Variants in MYH6 observed in about 807,000 individuals in gnomAD.
MYH6 encodes the protein myosin heavy chain 6.
In MYH6, 126 loss-of-function variants were observed where a neutral mutation model predicts 223.2. The observed-to-expected ratio is 0.56, with a 90% CI of 0.49 to 0.65. The LOEUF (loss-of-function observed/expected upper bound fraction) is 0.65, where lower values mean the gene tolerates loss of function less well. Ranked by LOEUF, MYH6 falls within the 30% of genes least tolerant of loss-of-function variation. MYH6 has a pLI of 0.00. For missense variants in MYH6, 2,040 were observed against 2,536.4 expected, an observed-to-expected ratio of 0.80 and a Z score of 4.20; for synonymous variants, 978 against 1,010.2, an observed-to-expected ratio of 0.97 and a Z score of 0.61.
chr14:23,402,640 G>A (rs202144424), intron 11 of MYH6, 38 bp from the exon 12 acceptor site: 84 of 1,613,652 alleles, frequency 5.2e-5, no homozygotes, highest in East Asian at 8.9e-5. Context: ...GGGTTGGAGC[G>A]GTGGCCCCAG....
intron 12 of MYH6, 25 bp from the exon 13 acceptor site, chr14:23,401,002 G>C: frequency 6.2e-7 from 1 of 1,611,572 alleles, no homozygotes; most frequent in Non-Finnish European, 8.5e-7. Flanking sequence ...AAGGATAAGT[G>C]AGCACTTCCT....
At position 23,405,779 on chromosome 14, in the gene MYH6, G is replaced by C; in HGVS notation, c.202-9C>G. 6.2e-7 allele frequency: 1 copy of C among 1,614,130 alleles called. No homozygotes were observed. The highest frequency in any genetic ancestry group is 8.5e-7 in the Non-Finnish European group (1 of 1,180,012). On this transcript the variant is annotated splice_polypyrimidine_tract_variant and intron_variant, in intron 3 of 38. Coordinates refer to ENST00000405093, the MANE Select transcript of MYH6 (RefSeq NM_002471.4). The surrounding 1 kb of genome is among the most constrained non-coding windows in gnomAD (Gnocchi z 4.7). ...TCCTTCACAGTCACCGTCTGGAGGG[G>C]GCGCATAAGCAGGAGGATGAGTGAC...
rs763268976 is a variant in MYH6 at position 23,389,522 on chromosome 14, A to C, written c.3860-11T>G. On this transcript the variant is annotated splice_polypyrimidine_tract_variant and intron_variant, in intron 27 of 38. Transcript: ENST00000405093. Reference sequence around the variant, plus strand: ...GCCGGGCCAACTCTCCTGGAGGTGAAATGAGGGGCTTGTGGGCCATTTCAC... The same window carrying C: ...GCCGGGCCAACTCTCCTGGAGGTGACATGAGGGGCTTGTGGGCCATTTCAC... 1 of 1,614,130 alleles carries C rather than the reference A, an allele frequency of 6.2e-7. No individual in the cohort carries two copies. The highest frequency in any genetic ancestry group is 8.5e-7 in the Non-Finnish European group (1 of 1,180,018).
chr14:23,385,743 G>A (rs906470713), intron 34 of MYH6, among the ~76,000 whole-genome samples, 185 bp downstream of exon 34: 2 of 152,098 alleles, frequency 1.3e-5, no homozygotes, highest in Admixed American at 6.5e-5. Flanking sequence ...GACCCTCTTA[G>A]CTTCTAAGTA....
rs770751191 is a variant in MYH6 at position 23,397,493 on chromosome 14, T to C, written c.1962+50A>G. The C allele has an allele frequency of 1.3e-5, 20 of 1,581,928 alleles. No individual in the cohort carries two copies. In the South Asian group the frequency reaches 2.0e-4, roughly 16 times the overall value. On this transcript the variant is annotated intron_variant, in intron 16 of 38. Coordinates refer to ENST00000405093, the MANE Select transcript of MYH6 (RefSeq NM_002471.4). ...AATAGGTGGTGCAGCCAGAAGTCTC[T>C]GGGCTGGGCCATTCCACCAGGTGTC...
chr14:23,393,677 T>C lies in MYH6; in HGVS notation c.2917A>G (p.Thr973Ala), dbSNP rs1472905250. 1 of 1,614,180 alleles carries C rather than the reference T, an allele frequency of 6.2e-7. No individual in the cohort carries two copies. The change falls in exon 22 of 39, where the codon ACA becomes GCA. Residue 973 changes from threonine to alanine, a missense_variant. By Grantham distance (58) the Thr-to-Ala change is moderately conservative. Transcript: ENST00000405093. ...LAKVEKEKHA[T>A]ENKVKNLTEE... ...GGAGCTGCCCTCACCTTGTTCTCTGTTGCATGCTTCTCCTTCTCCACCTTG... is the reference window on the plus strand; with the variant it reads ...GGAGCTGCCCTCACCTTGTTCTCTGCTGCATGCTTCTCCTTCTCCACCTTG...
chr14:23,396,322 C>T lies in MYH6; in HGVS notation c.2391G>A (p.Gln797=), dbSNP rs1418451274. The T allele has an allele frequency of 1.9e-6, 3 of 1,614,186 alleles. No homozygotes were observed. In the Admixed American group the frequency reaches 5.0e-5, roughly 27 times the overall value. ...ITRMQAQARG[Q]LMRIEFKKIV... ...TCTTCTTGAACTCAATGCGCATGAG[C>T]TGGCCCCGGGCTTGGGCCTGCATGC... Residue 797 remains glutamine, a synonymous_variant, in exon 20 of 39, where the codon CAG becomes CAA. Transcript: ENST00000405093.
At position 23,400,710 on chromosome 14, in the gene MYH6, T is replaced by C. The variant is rs755103712; in HGVS notation, c.1409A>G (p.Asp470Gly). ...VLDIAGFEIF[D>G]FNSFEQLCIN... is the part of the protein sequence containing the mutation. ...CCACTCCCAGGGGTCCCAACTCACG[T>C]CGAAGATCTCGAAGCCAGCGATGTC... Residue 470 changes from aspartate (D) to glycine (G), a missense_variant and splice_region_variant, in exon 13 of 39, where the codon GAC (aspartate) becomes GGC (glycine). By Grantham distance (94) the Asp-to-Gly change is moderately conservative (BLOSUM62 -1). Transcript: ENST00000405093. 6.2e-7 allele frequency: 1 copy of C among 1,614,260 alleles called. No individual in the cohort carries two copies. Among genetic ancestry groups the C allele is most frequent in the Non-Finnish European group, 8.5e-7 (1 of 1,180,052 alleles).
At chr14:23,394,010 T>A in intron 21 of MYH6, 58 bp downstream of exon 21, 1 of 1,613,750 alleles carries the variant, frequency 6.2e-7, no homozygotes, top group Admixed American at 1.7e-5. Context: ...GGTTGTGAGA[T>A]GGGCTATAAT....
rs751985684 is a variant in MYH6, at chr14:23,390,116, C to T, written c.3673G>A (p.Glu1225Lys). The T allele has an allele frequency of 3.7e-6, 6 of 1,612,098 alleles. No homozygotes were observed. The highest frequency in any genetic ancestry group is 2.2e-5 in the East Asian group (1 of 44,854). The change falls in exon 26 of 39, where the codon GAG becomes AAG. Residue 1225 changes from glutamate (E) to lysine (K), a missense_variant. Physicochemically the swap from Glu to Lys is moderately conservative, Grantham distance 56 (BLOSUM62 1). Around this residue, in one of 4 missense-constraint regions of MYH6, gnomAD observed 1,203 missense variants for 1,400.2 expected, o/e 0.86. Transcript: ENST00000405093. ...VKQKLEKEKSEFKLELDDVTS... is the reference protein window; with the variant it reads ...VKQKLEKEKSKFKLELDDVTS... ...ACGTCATCCAGCTCCAGCTTGAACT[C>T]GCTCTTCTCCTTCTCCAGCTTCTGC...
At chr14:23,398,559 G>A (rs986144417) in intron 15 of MYH6, among the ~76,000 whole-genome samples, 169 bp downstream of exon 15, 1 of 152,236 alleles carries the variant, frequency 6.6e-6, no homozygotes, top group Non-Finnish European at 1.5e-5. Flanking sequence ...GTGGAGAACG[G>A]CAGGTGCTAC....
chr14:23,397,963 TC>T (rs1891471218), intron 15 of MYH6, among the ~76,000 whole-genome samples: 1 of 124,560 alleles, frequency 8.0e-6, no homozygotes, highest in Admixed American at 8.5e-5. Context: ...TTCTTCTTCT[TC>T]TTCTTCTTCT....
intron 26 of MYH6, 41 bp downstream of exon 26, chr14:23,390,016 T>G (rs781511406): frequency 8.1e-6 from 13 of 1,613,408 alleles, no homozygotes; most frequent in Non-Finnish European, 1.0e-5. Context: ...GAGGCTCCGC[T>G]GTGCAGGGGA....
chr14:23,383,395 T>A, intron 36 of MYH6, 75 bp from the exon 37 acceptor site: 1 of 1,194,368 alleles, frequency 8.4e-7, no homozygotes. Context: ...TCCATCATTT[T>A]ACTCTTCTCC....
chr14:23,388,404 C>G, intron 29 of MYH6, 66 bp from the exon 30 acceptor site: 1 of 1,587,044 alleles, frequency 6.3e-7, no homozygotes, highest in Non-Finnish European at 8.6e-7. Flanking sequence ...CTTGGGTGGA[C>G]CTCCTTCCAC....
At chr14:23,398,586 T>C (rs575138875) in intron 15 of MYH6, 142 bp downstream of exon 15, 3 of 894,816 alleles carry the variant, frequency 3.4e-6, no homozygotes, top group African/African-American at 1.6e-5. Context: ...CCAGCTGGAC[T>C]GTGGTGAGGT....
chr14:23,396,482 ACCCTGGATGAG>A, intron 19 of MYH6, 62 bp from the exon 20 acceptor site: 2 of 1,599,872 alleles, frequency 1.3e-6, no homozygotes, highest in Non-Finnish European at 1.7e-6. Context: ...AGGGTGGAAG[ACCCTGGATGAG>A]CTCCCAGGTG....
rs1891736235 is a variant in MYH6 at position 23,404,950 on chromosome 14, G to T, written c.531-128C>A. The T allele has an allele frequency of 3.4e-6, 5 of 1,492,008 alleles. No individual in the cohort carries two copies. The South Asian group carries it at 5.7e-5, about 17-fold the overall frequency. The allele number at this position is 1,492,008 out of a possible 1,614,324, so 92.4% of individuals were successfully genotyped here. A position where few individuals can be genotyped will look rare whatever the true frequency, so the allele number is the denominator to read the frequency against. ...CACCCAGCAGGATTTGCCTGACATG[G>T]TTCATTGCTCTGGCACCCCTCTAAT... On this transcript the variant is annotated intron_variant, in intron 6 of 38. Coordinates refer to ENST00000405093, the MANE Select transcript of MYH6 (RefSeq NM_002471.4).
chr14:23,395,386 G>T (rs1206736471), intron 20 of MYH6, among the ~76,000 whole-genome samples: 1 of 152,170 alleles, frequency 6.6e-6, no homozygotes, highest in Non-Finnish European at 1.5e-5. Context: ...ATTCCCCTGT[G>T]GATGGAAATT....
Sources: allele counts gnomAD v4.1 joint callset (sites outside exome capture counted in the v4.1 genomes callset), GRCh38; gene constraint gnomAD v4.1.1; regional missense constraint gnomAD v4.1.1; non-coding constraint Gnocchi (gnomAD v3.1); transcripts MANE v1.5; gene names NCBI Gene and HGNC (gene_info 2026-07-23, HGNC 2026-07-21).